The following CD9 variants were observed in gnomAD, a reference collection of about 807,000 sequenced individuals.
The protein encoded by CD9 is CD9 molecule, also known as CD9 antigen.
A neutral mutation model predicts 31.4 loss-of-function variants in CD9; 10 were observed. The observed-to-expected ratio is 0.32, with a 90% CI of 0.20 to 0.54. CD9 has a LOEUF of 0.54. Among genes scored for constraint, CD9 ranks in the 20% least tolerant of loss-of-function variants. The pLI, the probability that CD9 is intolerant of heterozygous loss-of-function variation, is 0.94. For synonymous variants in CD9, 113 were observed against 114.1 expected (o/e 0.99, Z 0.06); for missense variants, 259 against 300.1 (o/e 0.86, Z 1.01).
At chr12:6,202,382 A>G (rs1380822202) in intron 1 of CD9, among the ~76,000 whole-genome samples, 1 of 152,168 alleles carries the variant, frequency 6.6e-6, no homozygotes, top group African/African-American at 2.4e-5. Context: ...TGGCAGCAGA[A>G]AAGTATGCGG....
Position 6,235,246 on chromosome 12 carries a change from G to C in CD9, c.366G>C (p.Gln122His). ...CATTGTAGGTGATTAAGGAAGTCCAGGAGTTTTACAAGGACACCTACAACA... is the reference window on the plus strand; with the variant it reads ...CATTGTAGGTGATTAAGGAAGTCCACGAGTTTTACAAGGACACCTACAACA... ...SHKDEVIKEVQEFYKDTYNKL... is the reference protein window; with the variant it reads ...SHKDEVIKEVHEFYKDTYNKL... The change falls in exon 5 of 8, where the codon CAG (glutamine) becomes CAC (histidine). Residue 122 changes from glutamine to histidine, a missense_variant. Physicochemically the swap from Gln to His is conservative, Grantham distance 24. Coordinates refer to ENST00000009180, the MANE Select transcript of CD9 (RefSeq NM_001769.4). The C allele has an allele frequency of 6.2e-7, 1 of 1,607,254 alleles. No individual in the cohort carries two copies.
At chr12:6,214,344 C>CT (rs71450123) in intron 1 of CD9, among the ~76,000 whole-genome samples, 9,817 of 66,424 alleles carry the variant, frequency 0.15, 2,012 homozygotes, top group African/African-American at 0.33. Context: ...CCATTAGCCT[C>CT]TTTTTTTTTT....
chr12:6,211,404 G>A (rs1946192742), intron 1 of CD9, among the ~76,000 whole-genome samples: 2 of 152,186 alleles, frequency 1.3e-5, no homozygotes, highest in Non-Finnish European at 2.9e-5. Flanking sequence ...CTTGGGGTTT[G>A]CAAGATCCCA....
At chr12:6,202,344 C>T (rs1326275182) in intron 1 of CD9, among the ~76,000 whole-genome samples, 3 of 152,212 alleles carry the variant, frequency 2.0e-5, no homozygotes, top group Admixed American at 6.5e-5. Flanking sequence ...CCAGCTGCCA[C>T]GCTTAGCTTC....
At chr12:6,208,153 G>A (rs552132011) in intron 1 of CD9, among the ~76,000 whole-genome samples, 2 of 152,092 alleles carry the variant, frequency 1.3e-5, no homozygotes, top group Admixed American at 1.3e-4. Flanking sequence ...GAACCTGGGA[G>A]GCGGCGGTTG....
intron 2 of CD9, chr12:6,226,416 G>A (rs926202711): frequency 6.6e-6 from 1 of 152,172 alleles, no homozygotes; most frequent in Non-Finnish European, 1.5e-5. Context: ...TTAGGATGAC[G>A]CTGACATGTT....
rs536355644 is a variant in CD9, at chr12:6,208,236, A to G, written c.66+7671A>G. Among the ~76,000 whole-genome samples the G allele has an allele frequency of 1.2e-3, 185 of 151,946 alleles. 4 individuals are homozygous for G. The South Asian group carries it at 0.032, about 26-fold the overall frequency. On this transcript the variant is annotated intron_variant, in intron 1 of 7. Coordinates refer to ENST00000009180, the MANE Select transcript of CD9 (RefSeq NM_001769.4). ...TGAAACTCCATCTCAAAAAAAAAAA[A>G]AAAAGAAAAGAAAAGTAACCCTTCA...
chr12:6,234,976 G>T (rs1946495902), intron 4 of CD9, among the ~76,000 whole-genome samples: 1 of 152,186 alleles, frequency 6.6e-6, no homozygotes, highest in Non-Finnish European at 1.5e-5. Context: ...AGAGCTGAAG[G>T]ACTGACCAAA....
At chr12:6,229,130 G>C (rs1049692378) in intron 2 of CD9, among the ~76,000 whole-genome samples, 2 of 152,206 alleles carry the variant, frequency 1.3e-5, no homozygotes, top group African/African-American at 4.8e-5. Flanking sequence ...ACTTGTTGGG[G>C]AACTTCATTT....
chr12:6,229,311 A>G (rs1946411550), intron 2 of CD9, among the ~76,000 whole-genome samples: 1 of 152,156 alleles, frequency 6.6e-6, no homozygotes, highest in Non-Finnish European at 1.5e-5. Flanking sequence ...GACACGCGAC[A>G]CTTGGCCTTA....
At chr12:6,204,135 T>C (rs1371939577) in intron 1 of CD9, among the ~76,000 whole-genome samples, 1 of 152,216 alleles carries the variant, frequency 6.6e-6, no homozygotes, top group Admixed American at 6.5e-5. Context: ...ACTTCTGTGC[T>C]CTAAGCCTCA....
At chr12:6,222,641 T>C (rs1405270908) in intron 1 of CD9, among the ~76,000 whole-genome samples, 1 of 152,254 alleles carries the variant, frequency 6.6e-6, no homozygotes, top group Non-Finnish European at 1.5e-5. Context: ...CCCAGCATCC[T>C]TCTTACCACC....
chr12:6,217,869 T>C (rs1055339559), intron 1 of CD9, among the ~76,000 whole-genome samples: 1 of 152,154 alleles, frequency 6.6e-6, no homozygotes, highest in Non-Finnish European at 1.5e-5. Context: ...AATGATCTGC[T>C]CTCCACTTTC....
At chr12:6,233,682 G>A (rs1161888723) in intron 4 of CD9, among the ~76,000 whole-genome samples, 196 bp downstream of exon 4, 2 of 152,100 alleles carry the variant, frequency 1.3e-5, no homozygotes, top group East Asian at 1.9e-4. Flanking sequence ...TGTCCTGTCC[G>A]AGATTGTGCC....
chr12:6,237,221 T>C (rs7964250), intron 7 of CD9, among the ~76,000 whole-genome samples: 88,811 of 151,838 alleles, frequency 0.58, 26,762 homozygotes, highest in African/African-American at 0.75. Context: ...GTAATCTGCC[T>C]GCCTTGGCCT....
At chr12:6,230,898 G>A (rs1323127309) in intron 2 of CD9, among the ~76,000 whole-genome samples, 1 of 152,226 alleles carries the variant, frequency 6.6e-6, no homozygotes, top group African/African-American at 2.4e-5. Flanking sequence ...GACGGATGTG[G>A]GGGAGAAGGG....
chr12:6,230,921 G>A (rs889477036), intron 2 of CD9, among the ~76,000 whole-genome samples: 8 of 152,218 alleles, frequency 5.3e-5, no homozygotes, highest in South Asian at 2.1e-4. Flanking sequence ...AGGAACAAAC[G>A]CTCTCTGTGT....
chr12:6,204,631 C>G (rs1475364310), intron 1 of CD9, among the ~76,000 whole-genome samples: 1 of 152,188 alleles, frequency 6.6e-6, no homozygotes, highest in Non-Finnish European at 1.5e-5. Flanking sequence ...GGTTCCATGT[C>G]TCATCACCAG....
intron 1 of CD9, among the ~76,000 whole-genome samples, chr12:6,222,070 C>T (rs1417943987): frequency 6.6e-6 from 1 of 152,154 alleles, no homozygotes; most frequent in Non-Finnish European, 1.5e-5. Flanking sequence ...AAAGTGAGTT[C>T]TCCTAGAAAA....
Sources: gnomAD v4.1 joint callset for allele counts (sites outside exome capture counted in the v4.1 genomes callset) on GRCh38, gnomAD v4.1.1 for gene constraint, MANE v1.5 for transcripts, NCBI Gene and HGNC (gene_info 2026-07-23, HGNC 2026-07-21) for gene names.